The following NPR3 variants were observed in gnomAD, a reference collection of about 807,000 sequenced individuals.
The protein encoded by NPR3 is natriuretic peptide receptor 3.
A neutral mutation model predicts 54.5 loss-of-function variants in NPR3; 34 were observed. The observed-to-expected ratio is 0.62, with a 90% CI of 0.47 to 0.83. The LOEUF is 0.83. NPR3 is among the 40% of genes least tolerant of loss of function. The probability of loss-of-function intolerance (pLI) is 0.00; values close to 1 mark genes in which losing one functional copy is unlikely to be tolerated. For synonymous variants in NPR3, 289 were observed against 297.1 expected (o/e 0.97, Z 0.28); for missense variants, 674 against 720.8 (o/e 0.94, Z 0.74).
intron 3 of NPR3, among the ~76,000 whole-genome samples, chr5:32,748,265 T>C (rs1389146555): frequency 6.6e-6 from 1 of 152,242 alleles, no homozygotes; most frequent in Non-Finnish European, 1.5e-5. Context: ...AAGCTTTTAG[T>C]ATTTTCTCTG....
chr5:32,758,114 C>T (rs189610406), intron 3 of NPR3, among the ~76,000 whole-genome samples: 5 of 152,080 alleles, frequency 3.3e-5, no homozygotes, highest in East Asian at 1.9e-4. Flanking sequence ...ATGCTGGCCT[C>T]GTAAAATGAG....
At chr5:32,724,863 G>A in intron 2 of NPR3, 43 bp downstream of exon 2, 1 of 1,610,684 alleles carries the variant, frequency 6.2e-7, no homozygotes, top group East Asian at 2.2e-5. Context: ...AGGGTTCCAA[G>A]AGAGGTTGTC....
At chr5:32,695,981 CTTTGTTGGTTGT>C (rs933655584) in intron 1 of NPR3, among the ~76,000 whole-genome samples, 1 of 152,148 alleles carries the variant, frequency 6.6e-6, no homozygotes, top group African/African-American at 2.4e-5. Context: ...GCTGCCTTCA[CTTTGTTGGTTGT>C]TTCCTTGGCT....
chr5:32,750,338 GT>G (rs1360947304), intron 3 of NPR3, among the ~76,000 whole-genome samples: 2 of 152,108 alleles, frequency 1.3e-5, no homozygotes, highest in African/African-American at 4.8e-5. Flanking sequence ...GTTTCACCAT[GT>G]CGGTCAGGCT....
At chr5:32,694,484 T>C (rs1740476059) in intron 1 of NPR3, among the ~76,000 whole-genome samples, 1 of 152,198 alleles carries the variant, frequency 6.6e-6, no homozygotes. Flanking sequence ...GCACTTTGCA[T>C]CTGCTTTTTC....
At chr5:32,745,006 T>C (rs1421246681) in intron 3 of NPR3, among the ~76,000 whole-genome samples, 1 of 152,210 alleles carries the variant, frequency 6.6e-6, no homozygotes, top group Non-Finnish European at 1.5e-5. Flanking sequence ...GAATAGAAAG[T>C]ACGTCAAATC....
At chr5:32,724,185 C>T (rs1286674626) in intron 1 of NPR3, among the ~76,000 whole-genome samples, 1 of 151,928 alleles carries the variant, frequency 6.6e-6, no homozygotes, top group East Asian at 1.9e-4. Context: ...TTCATAATGC[C>T]CTTTATAGCA....
chr5:32,733,472 T>C (rs1048146878), intron 2 of NPR3, among the ~76,000 whole-genome samples: 3 of 152,206 alleles, frequency 2.0e-5, no homozygotes, highest in African/African-American at 7.2e-5. Flanking sequence ...AGTTAGGTGG[T>C]AACTTATCTG....
intron 1 of NPR3, among the ~76,000 whole-genome samples, chr5:32,720,363 C>G (rs779782187): frequency 7.9e-5 from 12 of 152,164 alleles, no homozygotes; most frequent in South Asian, 2.1e-4. Flanking sequence ...CCAATGAAAA[C>G]TTGAGATTTT....
At chr5:32,708,007 A>C (rs1738042757), upstream of NPR3, among the ~76,000 whole-genome samples, 1 of 149,622 alleles carries the variant, frequency 6.7e-6, no homozygotes, top group South Asian at 2.1e-4. Context: ...AAAAAAAAAA[A>C]AAAAAAAAAC....
At chr5:32,704,816 G>A (rs758407738), upstream of NPR3, among the ~76,000 whole-genome samples, 7 of 152,322 alleles carry the variant, frequency 4.6e-5, no homozygotes, top group Non-Finnish European at 7.3e-5. Flanking sequence ...GCCAGGGCAG[G>A]AAAGTTTTCT....
At chr5:32,713,913 A>G (rs1738402073) in intron 1 of NPR3, among the ~76,000 whole-genome samples, 1 of 152,214 alleles carries the variant, frequency 6.6e-6, no homozygotes, top group South Asian at 2.1e-4. Flanking sequence ...CCGAATTCCT[A>G]CCAGCCAAGC....
intron 3 of NPR3, among the ~76,000 whole-genome samples, chr5:32,758,115 G>A (rs1468459347): frequency 2.6e-5 from 4 of 152,148 alleles, no homozygotes; most frequent in Non-Finnish European, 4.4e-5. Flanking sequence ...TGCTGGCCTC[G>A]TAAAATGAGT....
chr5:32,759,469 C>G (rs1323179925), intron 3 of NPR3, among the ~76,000 whole-genome samples: 5 of 152,108 alleles, frequency 3.3e-5, no homozygotes, highest in Admixed American at 3.3e-4. Flanking sequence ...AGATCTTCCT[C>G]CATCCCTTTA....
rs1742816379 is a variant in NPR3, at chr5:32,789,760, T to C, written c.*3415T>C. On this transcript the variant is annotated 3_prime_UTR_variant, in exon 8 of 8. Transcript: ENST00000265074. ...GCAGTCAACAATGAGATGAAGGCCA[T>C]TGCATAGATCTCATGCAGATAGTGA... is the stretch of plus-strand genomic sequence containing the variant. The C allele has an allele frequency of 3.8e-6, 2 of 532,700 alleles. No homozygotes were observed. Among genetic ancestry groups the C allele is most frequent in the African/African-American group, 1.9e-5 (1 of 51,818 alleles). 33.0% of individuals were successfully genotyped at this position (532,700 alleles called of 1,614,324 possible).
At chr5:32,746,657 GT>G (rs1740317378) in intron 3 of NPR3, among the ~76,000 whole-genome samples, 1 of 152,168 alleles carries the variant, frequency 6.6e-6, no homozygotes, top group South Asian at 2.1e-4. Flanking sequence ...AATTCCCAGT[GT>G]TTTTGCATTA....
At chr5:32,738,459 T>A (rs1412304498) in intron 2 of NPR3, among the ~76,000 whole-genome samples, 2 of 152,174 alleles carry the variant, frequency 1.3e-5, no homozygotes, top group African/African-American at 4.8e-5. Flanking sequence ...AACATCAGGT[T>A]TATTATACCA....
Position 32,787,176 on chromosome 5 carries a change from A to G in NPR3, c.*831A>G, listed in dbSNP as rs564301635. The G allele has an allele frequency of 6.5e-6, 1 of 152,778 alleles. No homozygotes were observed. Among genetic ancestry groups the G allele is most frequent in the African/African-American group, 2.4e-5 (1 of 41,580 alleles). 9.5% of individuals were successfully genotyped at this position (152,778 alleles called of 1,614,324 possible). ...GCATGGGTGAAGTGTACAACAAACC[A>G]ATAATGATAAAAAATACTTCTCTTT... On this transcript the variant is annotated 3_prime_UTR_variant, in exon 8 of 8. Transcript: ENST00000265074.
intron 3 of NPR3, among the ~76,000 whole-genome samples, chr5:32,743,492 C>T (rs1198200157): frequency 1.3e-5 from 2 of 152,108 alleles, no homozygotes; most frequent in South Asian, 4.1e-4. Context: ...TATTGTGATA[C>T]TCAGTTTTTC....
Sources: gnomAD v4.1 joint callset for allele counts (sites outside exome capture counted in the v4.1 genomes callset) on GRCh38, gnomAD v4.1.1 for gene constraint, MANE v1.5 for transcripts, NCBI Gene and HGNC (gene_info 2026-07-23, HGNC 2026-07-21) for gene names.